The following UNC50 variants were observed in gnomAD, a reference collection of about 807,000 sequenced individuals.
The protein encoded by UNC50 is unc-50 inner nuclear membrane RNA binding protein.
In UNC50, 24 loss-of-function variants were observed where a neutral mutation model predicts 31.5. The observed-to-expected ratio is 0.76, with a 90% CI of 0.55 to 1.07. The LOEUF (loss-of-function observed/expected upper bound fraction) is 1.07. Ranked by LOEUF, UNC50 falls within the 50% of genes least tolerant of loss-of-function variation. UNC50 has a pLI of 0.00. For synonymous variants in UNC50, 118 were observed against 114.7 expected (o/e 1.03, Z -0.18); for missense variants, 245 against 304.2 (o/e 0.81, Z 1.45).
chr2:98,618,384 T>C lies in UNC50; in HGVS notation c.*80T>C. The C allele has an allele frequency of 7.0e-7, 1 of 1,435,354 alleles. No homozygotes were observed. Among genetic ancestry groups the C allele is most frequent in the East Asian group, 2.4e-5 (1 of 41,220 alleles). 88.9% of individuals were successfully genotyped at this position (1,435,354 alleles called of 1,614,324 possible). A position where few individuals can be genotyped will look rare whatever the true frequency, so the allele number is the denominator to read the frequency against. On this transcript the variant is annotated 3_prime_UTR_variant, in exon 6 of 6. Coordinates refer to ENST00000357765, the MANE Select transcript of UNC50 (RefSeq NM_014044.7). ...TTTCTTGTAAAACTTGTAAATAAAC[T>C]ATCATCTTTGTAGATATCTTAAAGG... is the stretch of plus-strand genomic sequence containing the variant.
At position 98,608,705 on chromosome 2, in the gene UNC50, C is replaced by T. The variant is rs1139829; in HGVS notation, c.-26C>T. The T allele has an allele frequency of 0.25, 116,011 of 459,974 alleles. 15,233 individuals carry two copies. Among genetic ancestry groups the T allele is most frequent in the Middle Eastern group, 0.31 (498 of 1,582 alleles). 28.5% of individuals were successfully genotyped at this position (459,974 alleles called of 1,614,324 possible). On this transcript the variant is annotated 5_prime_UTR_variant, in exon 1 of 6. Transcript: ENST00000357765. ...GTGGTGGGCTGGTTCGGACGTGGGTCGAGGCTGTAGCAGGACTCCAGGTGA... is the reference window on the plus strand; with the variant it reads ...GTGGTGGGCTGGTTCGGACGTGGGTTGAGGCTGTAGCAGGACTCCAGGTGA...
At chr2:98,615,343 T>C (rs1283047062) in intron 3 of UNC50, among the ~76,000 whole-genome samples, 1 of 152,196 alleles carries the variant, frequency 6.6e-6, no homozygotes, top group Non-Finnish European at 1.5e-5. Context: ...AACTTCTTAC[T>C]CCATACTAGT....
Position 98,609,589 on chromosome 2 carries a change from A to G in UNC50, c.-4-167A>G, listed in dbSNP as rs558214302. 9 of 1,082,076 alleles carry G rather than the reference A, an allele frequency of 8.3e-6. No homozygotes were observed. The South Asian group carries it at 1.4e-4, about 16-fold the overall frequency. The allele number at this position is 1,082,076 out of a possible 1,614,324, so 67.0% of individuals were successfully genotyped here. A position where few individuals can be genotyped will look rare whatever the true frequency, so the allele number is the denominator to read the frequency against. On this transcript the variant is annotated intron_variant, in intron 1 of 5. Transcript: ENST00000357765. ...TTGCAGTCTGCGGTTCCCAAGCCCC[A>G]AGACCCGCCTCAGAACTAACTGCAT...
At chr2:98,614,651 C>T (rs908281249) in intron 3 of UNC50, among the ~76,000 whole-genome samples, 10 of 152,138 alleles carry the variant, frequency 6.6e-5, no homozygotes, top group Non-Finnish European at 7.3e-5. Flanking sequence ...GCTTGAAAAG[C>T]GCCCATTTGG....
chr2:98,609,305 A>C (rs1700776296), intron 1 of UNC50: 1 of 100,418 alleles, frequency 1.0e-5, no homozygotes, highest in Admixed American at 1.1e-4. Flanking sequence ...CAGTGCGCTG[A>C]TGGATCTGTG....
At chr2:98,617,631 A>G (rs182268984) in intron 5 of UNC50, among the ~76,000 whole-genome samples, 1 of 152,302 alleles carries the variant, frequency 6.6e-6, no homozygotes, top group East Asian at 1.9e-4. Context: ...TGAGCAAGAA[A>G]CATCAATATT....
Position 98,618,052 on chromosome 2 carries a change from A to G in UNC50, c.644-116A>G. The G allele has an allele frequency of 5.4e-6, 6 of 1,117,628 alleles. No individual in the cohort carries two copies. The South Asian group carries it at 1.1e-4, about 20-fold the overall frequency. 69.2% of individuals were successfully genotyped at this position (1,117,628 alleles called of 1,614,324 possible). ...TAAATAGCATCATCTTACTGATTCA[A>G]AATATGCATTCCCTTCCACCCCACA... On this transcript the variant is annotated intron_variant, in intron 5 of 5. Transcript: ENST00000357765.
chr2:98,610,968 C>T, intron 3 of UNC50, 73 bp downstream of exon 3: 10 of 1,490,636 alleles, frequency 6.7e-6, no homozygotes, highest in Non-Finnish European at 9.0e-6. Flanking sequence ...GGTACAATAG[C>T]AGCAGATGGA....
At chr2:98,610,536 A>G (rs1575228551) in intron 2 of UNC50, among the ~76,000 whole-genome samples, 1 of 152,300 alleles carries the variant, frequency 6.6e-6, no homozygotes, top group East Asian at 1.9e-4. Context: ...CCTTCTCTAC[A>G]CTGGCGTTCT....
At chr2:98,614,443 A>T (rs1219325403) in intron 3 of UNC50, among the ~76,000 whole-genome samples, 1 of 152,184 alleles carries the variant, frequency 6.6e-6, no homozygotes, top group African/African-American at 2.4e-5. Flanking sequence ...TGTTGAGTTC[A>T]GGGAGCTTCC....
In UNC50 at chr2:98,613,852, A is replaced by G. The variant is rs899505297; in HGVS notation, c.402-2355A>G. On this transcript the variant is annotated intron_variant, in intron 3 of 5. Coordinates refer to ENST00000357765, the MANE Select transcript of UNC50 (RefSeq NM_014044.7). ...AGAGAAATGACTACATGTAATGATG[A>G]CCATCACAGAGGAGCTACAGAAGCC... Among the ~76,000 whole-genome samples, 15 of 152,236 alleles carry G rather than the reference A, an allele frequency of 9.9e-5. 1 individual carries two copies. Among genetic ancestry groups the G allele is most frequent in the Admixed American group, 7.9e-4 (12 of 15,284 alleles).
chr2:98,608,955 G>A (rs1310484558), intron 1 of UNC50: 1 of 189,658 alleles, frequency 5.3e-6, no homozygotes, highest in African/African-American at 2.4e-5. Flanking sequence ...ATGTTGCGTG[G>A]GATGTAGGCA....
Position 98,609,988 on chromosome 2 carries a change from T to G in UNC50, c.229T>G (p.Trp77Gly). 6.2e-7 allele frequency: 1 copy of G among 1,614,256 alleles called. No individual in the cohort carries two copies. The highest frequency in any genetic ancestry group is 8.5e-7 in the Non-Finnish European group (1 of 1,180,040). Residue 77 changes from tryptophan (W) to glycine (G), a missense_variant, in exon 2 of 6, where the codon TGG becomes GGG. Transcript: ENST00000357765. The part of the protein sequence containing the change: ...FHYRKQTKDQ[W>G]ARDDPAFLVL... ...TTATCGAAAACAGACGAAGGACCAGTGGGCCAGAGATGACCCTGCTTTCTT... is the reference window on the plus strand; with the variant it reads ...TTATCGAAAACAGACGAAGGACCAGGGGGCCAGAGATGACCCTGCTTTCTT...
At chr2:98,609,600 C>T in intron 1 of UNC50, 156 bp from the exon 2 acceptor site, 2 of 1,202,608 alleles carry the variant, frequency 1.7e-6, no homozygotes, top group Non-Finnish European at 1.2e-6. Flanking sequence ...AGACCCGCCT[C>T]AGAACTAACT....
intron 4 of UNC50, 40 bp downstream of exon 4, chr2:98,616,386 T>G: frequency 6.2e-7 from 1 of 1,613,818 alleles, no homozygotes; most frequent in Non-Finnish European, 8.5e-7. Context: ...AAGTCTTCAT[T>G]GCATGCATTG....
chr2:98,609,689 A>G, intron 1 of UNC50, 67 bp from the exon 2 acceptor site: 1 of 1,604,388 alleles, frequency 6.2e-7, no homozygotes, highest in Non-Finnish European at 8.5e-7. Context: ...ATAACTCAGA[A>G]GAGGAGTGTC....
At position 98,609,881 on chromosome 2, in the gene UNC50, T is replaced by G. The variant is rs756650294; in HGVS notation, c.122T>G (p.Phe41Cys). Residue 41 changes from phenylalanine (F) to cysteine (C), a missense_variant, in exon 2 of 6, where the codon TTT becomes TGT. By Grantham distance (205) the Phe-to-Cys change is radical. Coordinates refer to ENST00000357765, the MANE Select transcript of UNC50 (RefSeq NM_014044.7). ...AAATATCTGAGAAGGCTTTTCCGCT[T>G]TCGGCAAATGGACTTTGAATTTGCT... ...RYKYLRRLFRFRQMDFEFAAW... is the reference protein window; with the variant it reads ...RYKYLRRLFRCRQMDFEFAAW... 1 of 1,614,242 alleles carries G rather than the reference T, an allele frequency of 6.2e-7. No individual in the cohort carries two copies. Among genetic ancestry groups the G allele is most frequent in the Non-Finnish European group, 8.5e-7 (1 of 1,180,038 alleles).
chr2:98,616,529 C>T lies in UNC50; in HGVS notation c.639C>T (p.Tyr213=). ...GYYIYVTFLG[Y]SALPFLKNTV... The stretch of plus-strand genomic sequence containing the variant: ...ATATCTATGTAACTTTCCTGGGATA[C>T]AGTGGTAAGTAATTTTTTTAAATGT... Residue 213 remains tyrosine (Y), a synonymous_variant, in exon 5 of 6, where the codon TAC becomes TAT. Transcript: ENST00000357765. 1 of 1,611,282 alleles carries T rather than the reference C, an allele frequency of 6.2e-7. No homozygotes were observed. The highest frequency in any genetic ancestry group is 8.5e-7 in the Non-Finnish European group (1 of 1,177,964).
chr2:98,611,168 A>G (rs543346327), intron 3 of UNC50, among the ~76,000 whole-genome samples: 2 of 152,360 alleles, frequency 1.3e-5, no homozygotes, highest in East Asian at 3.9e-4. Context: ...TCAATTTAGA[A>G]AGTTTAGTTT....
Sources: allele counts gnomAD v4.1 joint callset (sites outside exome capture counted in the v4.1 genomes callset), GRCh38; gene constraint gnomAD v4.1.1; transcripts MANE v1.5; gene names NCBI Gene and HGNC (gene_info 2026-07-23, HGNC 2026-07-21).